The following PELP1 variants were observed in gnomAD, a reference collection of about 807,000 sequenced individuals.
The protein encoded by PELP1 is proline, glutamate and leucine rich protein 1.
PELP1 carries 32 observed loss-of-function variants against 95.5 expected under a neutral mutation model. The observed-to-expected ratio is 0.34, with a 90% CI of 0.25 to 0.45. The LOEUF (loss-of-function observed/expected upper bound fraction) is 0.45. PELP1 is among the 20% of genes least tolerant of loss of function. The probability of loss-of-function intolerance (pLI) is 1.00; values close to 1 mark genes in which losing one functional copy is unlikely to be tolerated. For missense variants in PELP1, 1,358 were observed against 1,444.8 expected (o/e 0.94, Z 0.97); for synonymous variants, 668 against 600.1 (o/e 1.11, Z -1.65).
chr17:4,689,214 C>G (rs759253114), intron 3 of PELP1, among the ~76,000 whole-genome samples: 6 of 152,188 alleles, frequency 3.9e-5, no homozygotes, highest in Non-Finnish European at 8.8e-5. Context: ...GGACTTAAAT[C>G]TAAGACCTGA....
At position 4,674,490 on chromosome 17, in the gene PELP1, A is replaced by G. The variant is rs111519061; in HGVS notation, c.1582+20T>C. On this transcript the variant is annotated intron_variant, in intron 13 of 16. Transcript: ENST00000572293. ...GGTCCCGTTTGAGCCCCAGTGGTCC[A>G]GGGCACAGGCCTCACCCACCTCTGA... 85 of 1,605,494 alleles carry G rather than the reference A, an allele frequency of 5.3e-5. No homozygotes were observed. In the African/African-American group the frequency reaches 8.4e-4, roughly 16 times the overall value.
rs1912686609 is a variant in PELP1 at position 4,681,540 on chromosome 17, G to A, written c.642+962C>T. 7.2e-5 allele frequency among the ~76,000 whole-genome samples: 11 copies of A among 152,018 alleles called. No individual in the cohort carries two copies. In the South Asian group the frequency reaches 2.3e-3, roughly 32 times the overall value. Reference sequence around the variant, plus strand: ...AAAATGGCCAGGCGCAGTAGCTAATGCCTGTAATCCCAGCATTTTGGGAGG... The same window carrying A: ...AAAATGGCCAGGCGCAGTAGCTAATACCTGTAATCCCAGCATTTTGGGAGG... On this transcript the variant is annotated intron_variant, in intron 5 of 16. Transcript: ENST00000572293.
chr17:4,673,453 G>A lies in PELP1; in HGVS notation c.1642C>T (p.Leu548=). 5 of 1,589,088 alleles carry A rather than the reference G, an allele frequency of 3.1e-6. No individual in the cohort carries two copies. In the Admixed American group the frequency reaches 9.0e-5, roughly 29 times the overall value. Reference sequence around the variant, plus strand: ...ACCAGGGGGAGGACCAGGTCATGCAGTCTCTGAAAAGGACAGAGCACACCT... The same window carrying A: ...ACCAGGGGGAGGACCAGGTCATGCAATCTCTGAAAAGGACAGAGCACACCT... ...PLIKEETHRR[L]HDLVLPLVMG... Residue 548 remains leucine (L), a synonymous_variant, in exon 15 of 17, where the codon CTG becomes TTG. Transcript: ENST00000572293. This position sits in a 1 kb window ranked among gnomAD's most constrained non-coding sequence, Gnocchi z 5.7.
chr17:4,695,841 G>A (rs1420642147), intron 1 of PELP1, among the ~76,000 whole-genome samples: 63 of 150,992 alleles, frequency 4.2e-4, no homozygotes, highest in Admixed American at 4.2e-3. Context: ...ACAAAAATTA[G>A]CCAGACGTGG....
intron 1 of PELP1, among the ~76,000 whole-genome samples, chr17:4,695,717 G>A (rs77717022): frequency 0.011 from 1,624 of 146,270 alleles, 34 homozygotes; most frequent in African/African-American, 0.037. Flanking sequence ...AGTGATTCAC[G>A]CCTGTAATCC....
intron 3 of PELP1, among the ~76,000 whole-genome samples, chr17:4,690,139 T>A (rs1434058584): frequency 6.6e-6 from 1 of 152,092 alleles, no homozygotes; most frequent in Non-Finnish European, 1.5e-5. Flanking sequence ...CTGGATGGCG[T>A]TGGTGACCAT....
In PELP1 at chr17:4,698,086, C is replaced by G. The variant is rs924440122; in HGVS notation, c.249+5777G>C. The stretch of plus-strand genomic sequence containing the variant: ...GTCTTGAACTCCTGCACTCAGTGAT[C>G]CTCCCACTTCGGCCTCCCACTAAGC... On this transcript the variant is annotated intron_variant, in intron 1 of 16. Coordinates refer to ENST00000572293, the MANE Select transcript of PELP1 (RefSeq NM_014389.3). 2.7e-5 allele frequency among the ~76,000 whole-genome samples: 4 copies of G among 145,548 alleles called. No homozygotes were observed. The Admixed American group carries it at 2.8e-4, about 10-fold the overall frequency.
intron 5 of PELP1, 37 bp downstream of exon 5, chr17:4,682,465 C>G (rs377753028): frequency 2.0e-5 from 27 of 1,376,140 alleles, no homozygotes; most frequent in Non-Finnish European, 2.7e-5. Flanking sequence ...GCTCTCAACG[C>G]TTACACTGGT....
Position 4,676,733 on chromosome 17 carries a change from TCTCC to T in PELP1, c.702+16_702+19del. 6.4e-7 allele frequency: 1 copy of T among 1,558,088 alleles called. No individual in the cohort carries two copies. Among genetic ancestry groups the T allele is most frequent in the Non-Finnish European group, 8.7e-7 (1 of 1,149,406 alleles). On this transcript the variant is annotated intron_variant, in intron 6 of 16. Transcript: ENST00000572293. ...CAGGCTCAGATCCCCGGGCTCTCCC[TCTCC>T]CTCCCTGCCCTTTACCTGTTGGAGC...
intron 1 of PELP1, among the ~76,000 whole-genome samples, chr17:4,700,196 C>T (rs1913467726): frequency 1.3e-5 from 2 of 152,096 alleles, no homozygotes; most frequent in South Asian, 4.1e-4. Flanking sequence ...TGAGCCATCA[C>T]GCCTGGCCGA....
intron 2 of PELP1, 41 bp downstream of exon 2, chr17:4,691,337 G>C: frequency 2.1e-6 from 3 of 1,453,372 alleles, no homozygotes; most frequent in Non-Finnish European, 2.9e-6. Context: ...CACTTCCTAA[G>C]GGAACACGCC....
intron 1 of PELP1, among the ~76,000 whole-genome samples, chr17:4,693,382 C>A (rs1653973371): frequency 1.3e-5 from 2 of 152,218 alleles, no homozygotes; most frequent in Admixed American, 1.3e-4. Context: ...GTGCCTGAAA[C>A]CTCAGAAACT....
intron 1 of PELP1, among the ~76,000 whole-genome samples, chr17:4,694,486 T>G (rs1913218604): frequency 2.0e-4 from 1 of 5,044 alleles, no homozygotes; most frequent in Non-Finnish European, 4.6e-4. Context: ...ACGCCATCTC[T>G]ACCAAAAATA....
At chr17:4,692,619 G>A (rs991149967) in intron 1 of PELP1, among the ~76,000 whole-genome samples, 2 of 152,046 alleles carry the variant, frequency 1.3e-5, no homozygotes, top group African/African-American at 4.8e-5. Flanking sequence ...AGAACTCCAA[G>A]GAAAAATAAA....
At chr17:4,698,800 A>G (rs1184679799) in intron 1 of PELP1, among the ~76,000 whole-genome samples, 2 of 152,212 alleles carry the variant, frequency 1.3e-5, no homozygotes, top group Non-Finnish European at 2.9e-5. Flanking sequence ...AAAGATCTGT[A>G]GGTTAAATAA....
intron 1 of PELP1, among the ~76,000 whole-genome samples, chr17:4,699,743 C>G (rs1192306623): frequency 6.6e-6 from 1 of 151,784 alleles, no homozygotes; most frequent in Non-Finnish European, 1.5e-5. Context: ...TGCGTCACCA[C>G]GCCCAGCTAA....
chr17:4,673,075 T>C lies in PELP1; in HGVS notation c.1916A>G (p.Gln639Arg). The C allele has an allele frequency of 6.6e-7, 1 of 1,524,200 alleles. No homozygotes were observed. The highest frequency in any genetic ancestry group is 2.3e-5 in the East Asian group (1 of 44,118). 94.4% of individuals were successfully genotyped at this position (1,524,200 alleles called of 1,614,324 possible). A position where few individuals can be genotyped will look rare whatever the true frequency, so the allele number is the denominator to read the frequency against. The change falls in exon 16 of 17, where the codon CAG becomes CGG. Residue 639 changes from glutamine (Q) to arginine (R), a missense_variant. Gln to Arg is a conservative substitution (Grantham distance 43). Transcript: ENST00000572293. The surrounding 1 kb of genome is among the most constrained non-coding windows in gnomAD (Gnocchi z 5.7). Reference protein sequence around the residue: ...ALTHPRVPPLQPMGPTCPTPA... With the variant: ...ALTHPRVPPLRPMGPTCPTPA... ...TGTGGGGCAGGTGGGGCCCATGGGCTGCAGGGGAGGAACCCGGGGGTGGGT... is the reference window on the plus strand; with the variant it reads ...TGTGGGGCAGGTGGGGCCCATGGGCCGCAGGGGAGGAACCCGGGGGTGGGT...
rs1555552185 is a variant in PELP1, at chr17:4,671,565, T to TCA, written c.3301-36_3301-35dup. The TCA allele has an allele frequency of 6.6e-5, 106 of 1,612,316 alleles. No individual in the cohort carries two copies. In the Middle Eastern group the frequency reaches 1.3e-3, roughly 20 times the overall value. On this transcript the variant is annotated intron_variant, in intron 16 of 16. Coordinates refer to ENST00000572293, the MANE Select transcript of PELP1 (RefSeq NM_014389.3). ...CACAAAGATACAAGATTCAGAATAG[T>TCA]CACACACACATACACAGAAGAATGG...
rs775968841 is a variant in PELP1 at position 4,671,474 on chromosome 17, C to T, written c.3358G>A (p.Glu1120Lys). 6.2e-7 allele frequency: 1 copy of T among 1,608,560 alleles called. No individual in the cohort carries two copies. The highest frequency in any genetic ancestry group is 8.5e-7 in the Non-Finnish European group (1 of 1,174,926). The change falls in exon 17 of 17, where the codon GAG becomes AAG. Residue 1120 changes from glutamate (E) to lysine (K), a missense_variant. Glu to Lys is a moderately conservative substitution (Grantham distance 56). Coordinates refer to ENST00000572293, the MANE Select transcript of PELP1 (RefSeq NM_014389.3). ...ADFIDCPPDD[E>K]KPPPPTEPDS ...GGCTCTGTGGGAGGTGGTGGCTTCT[C>T]ATCATCAGGGGGACAATCGATGAAG...
Sources: gnomAD v4.1 joint callset for allele counts (sites outside exome capture counted in the v4.1 genomes callset) on GRCh38, gnomAD v4.1.1 for gene constraint, Gnocchi (gnomAD v3.1) non-coding constraint, MANE v1.5 for transcripts, NCBI Gene and HGNC (gene_info 2026-07-23, HGNC 2026-07-21) for gene names.